MYO9A: variants seen among roughly 807,000 people sequenced by gnomAD.
MYO9A encodes the protein unconventional myosin-IXa.
A neutral mutation model predicts 293.3 loss-of-function variants in MYO9A; 103 were observed. That is an observed-to-expected ratio of 0.35 (90% CI 0.30 to 0.41). MYO9A has a LOEUF of 0.41. Among genes scored for constraint, MYO9A ranks in the 10% least tolerant of loss-of-function variants. The pLI is 1.00. For missense variants in MYO9A, 2,685 were observed against 3,033.0 expected, an observed-to-expected ratio of 0.89 and a Z score of 2.69; for synonymous variants, 1,001 against 1,035.7, an observed-to-expected ratio of 0.97 and a Z score of 0.64.
At chr15:72,028,728 C>T (rs577289572) in intron 3 of MYO9A, among the ~76,000 whole-genome samples, 1 of 151,346 alleles carries the variant, frequency 6.6e-6, no homozygotes, top group East Asian at 1.9e-4. Flanking sequence ...CTATATACCA[C>T]TACACATTCT....
At position 71,897,745 on chromosome 15, in the gene MYO9A, T is replaced by C. The variant is rs772738734; in HGVS notation, c.4758A>G (p.Gln1586=). The part of the protein sequence containing the change: ...SLSLKDAALA[Q]KDSSSAHLPP... ...GTAAGTGAGCAGAGGAACTGTCTTT[T>C]TGGGCAAGAGCTGCATCTTTTAATG... Residue 1586 remains glutamine (Q), a synonymous_variant, in exon 25 of 42, where the codon CAA becomes CAG. Transcript: ENST00000356056. 1.3e-5 allele frequency: 21 copies of C among 1,614,004 alleles called. No individual in the cohort carries two copies. Among genetic ancestry groups the C allele is most frequent in the Non-Finnish European group, 1.7e-5 (20 of 1,180,036 alleles).
At position 71,853,630 on chromosome 15, in the gene MYO9A, T is replaced by C. The variant is rs114238755; in HGVS notation, c.6346+747A>G. ...GGTTCTTGCCCACACAAGGACATGC[T>C]TTACTCTGTTTAGTTCAAAAAGATC... On this transcript the variant is annotated intron_variant, in intron 35 of 41. Coordinates refer to ENST00000356056, the MANE Select transcript of MYO9A (RefSeq NM_006901.4). Among the ~76,000 whole-genome samples the C allele has an allele frequency of 5.9e-3, 895 of 152,340 alleles. 7 individuals carry two copies. Among genetic ancestry groups the C allele is most frequent in the African/African-American group, 0.02 (830 of 41,574 alleles).
chr15:72,043,694 A>C (rs1289335900), intron 2 of MYO9A, among the ~76,000 whole-genome samples: 1 of 152,174 alleles, frequency 6.6e-6, no homozygotes, highest in African/African-American at 2.4e-5. Context: ...GGGTGGGCTG[A>C]GAGGAGCGTG....
chr15:72,000,113 C>T (rs2076821470), intron 8 of MYO9A, among the ~76,000 whole-genome samples, 173 bp from the exon 9 acceptor site: 1 of 152,154 alleles, frequency 6.6e-6, no homozygotes, highest in South Asian at 2.1e-4. Context: ...ATTTAAGTGT[C>T]CCACTCAAAA....
chr15:72,044,397 T>C (rs546529537), intron 2 of MYO9A, among the ~76,000 whole-genome samples: 12 of 150,606 alleles, frequency 8.0e-5, no homozygotes, highest in East Asian at 3.9e-4. Context: ...AAGAGCAAAA[T>C]TGTCTCAAAA....
Position 71,916,372 on chromosome 15 carries a change from G to C in MYO9A, c.2683C>G (p.Gln895Glu). 6.2e-7 allele frequency: 1 copy of C among 1,608,404 alleles called. No homozygotes were observed. The highest frequency in any genetic ancestry group is 2.2e-5 in the East Asian group (1 of 44,774). The change falls in exon 19 of 42, where the codon CAG (glutamine) becomes GAG (glutamate). Residue 895 changes from glutamine (Q) to glutamate (E), a missense_variant and splice_region_variant. Gln to Glu is a conservative substitution (Grantham distance 29). This residue lies in a region of MYO9A where 1,434 missense variants were observed against 1,497.7 expected (regional missense o/e 0.96). Coordinates refer to ENST00000356056, the MANE Select transcript of MYO9A (RefSeq NM_006901.4). ...TTTTAAGCGAAACAAGAAATAACCT[G>C]AAACTGGGCACTGATGCTGGGAGGT... ...KKPPSISAQF[Q>E]ASLSKLMETL...
intron 1 of MYO9A, among the ~76,000 whole-genome samples, chr15:72,064,268 G>A (rs1483371912): frequency 5.3e-5 from 8 of 151,950 alleles, no homozygotes; most frequent in Admixed American, 3.3e-4. Flanking sequence ...GGGTGACTAC[G>A]GTCAACAATA....
chr15:71,964,631 A>AC (rs2075825700), intron 13 of MYO9A, among the ~76,000 whole-genome samples: 1 of 151,006 alleles, frequency 6.6e-6, no homozygotes, highest in South Asian at 2.1e-4. Flanking sequence ...AAAAAAAAAA[A>AC]AAAAAATTAG....
chr15:71,948,373 C>T (rs1794453112), intron 15 of MYO9A, among the ~76,000 whole-genome samples: 1 of 152,192 alleles, frequency 6.6e-6, no homozygotes. Context: ...ACCAAACCCA[C>T]TGCCTGTTTT....
At chr15:71,860,808 T>A (rs1214417346) in intron 33 of MYO9A, among the ~76,000 whole-genome samples, 6 of 150,812 alleles carry the variant, frequency 4.0e-5, no homozygotes, top group African/African-American at 1.5e-4. Flanking sequence ...CTCTACTAAA[T>A]ATACAAAAAT....
intron 1 of MYO9A, among the ~76,000 whole-genome samples, chr15:72,087,920 T>C (rs141673296): frequency 6.6e-6 from 1 of 152,310 alleles, no homozygotes; most frequent in East Asian, 1.9e-4. Context: ...TGTGAGTGTA[T>C]TTGGAGACAG....
chr15:71,827,841 T>G (rs1036753034), intron 41 of MYO9A, 43 bp downstream of exon 41: 4 of 1,572,996 alleles, frequency 2.5e-6, no homozygotes, highest in African/African-American at 2.7e-5. Context: ...ATTCCTCCTT[T>G]GCAAAACAAA....
At chr15:72,031,490 AAATAAAT>A (rs2077868727) in intron 3 of MYO9A, among the ~76,000 whole-genome samples, 1 of 152,220 alleles carries the variant, frequency 6.6e-6, no homozygotes, top group African/African-American at 2.4e-5. Flanking sequence ...TTCTCAAAAA[AAATAAAT>A]AATAAATAAT....
intron 19 of MYO9A, among the ~76,000 whole-genome samples, chr15:71,914,466 CTA>C (rs2057952101): frequency 6.6e-6 from 1 of 152,142 alleles, no homozygotes; most frequent in Non-Finnish European, 1.5e-5. Flanking sequence ...TCCATTTTGA[CTA>C]CCTGCAATTT....
chr15:71,854,241 T>A, intron 35 of MYO9A, 136 bp downstream of exon 35: 1 of 714,688 alleles, frequency 1.4e-6, no homozygotes, highest in Non-Finnish European at 2.1e-6. Flanking sequence ...CAAAAAATGA[T>A]AACAAAGCAT....
At chr15:72,112,678 ATACC>A (rs1163108813) in intron 1 of MYO9A, among the ~76,000 whole-genome samples, 1 of 152,238 alleles carries the variant, frequency 6.6e-6, no homozygotes, top group Non-Finnish European at 1.5e-5. Flanking sequence ...CAAAATTCCA[ATACC>A]TACACTCCTT....
rs756977474 is a variant in MYO9A, at chr15:71,898,244, A to G, written c.4259T>C (p.Phe1420Ser). 1 of 1,614,056 alleles carries G rather than the reference A, an allele frequency of 6.2e-7. No homozygotes were observed. Among genetic ancestry groups the G allele is most frequent in the African/African-American group, 1.3e-5 (1 of 74,936 alleles). Residue 1420 changes from phenylalanine (F) to serine (S), a missense_variant, in exon 25 of 42, where the codon TTT becomes TCT. Transcript: ENST00000356056. Reference sequence around the variant, plus strand: ...TGGGTCTTGTTGGGGGATATAAAAAAAAGTAGGTAGACTATTTGAAATGAA... The same window carrying G: ...TGGGTCTTGTTGGGGGATATAAAAAGAAGTAGGTAGACTATTTGAAATGAA... Reference protein sequence around the residue: ...DSFISNSLPTFFYIPQQDPLK... With the variant: ...DSFISNSLPTSFYIPQQDPLK...
intron 34 of MYO9A, among the ~76,000 whole-genome samples, chr15:71,856,061 A>G (rs1366855936): frequency 6.6e-6 from 1 of 152,164 alleles, no homozygotes; most frequent in Non-Finnish European, 1.5e-5. Flanking sequence ...CTGTAATCCC[A>G]GCATTTTGTG....
At chr15:72,082,992 G>C (rs1054551588) in intron 1 of MYO9A, among the ~76,000 whole-genome samples, 1 of 151,244 alleles carries the variant, frequency 6.6e-6, no homozygotes, top group Non-Finnish European at 1.5e-5. Context: ...TTTTTTTGTT[G>C]TGTCTCTGCT....
Sources: gnomAD v4.1 joint callset for allele counts (sites outside exome capture counted in the v4.1 genomes callset) on GRCh38, gnomAD v4.1.1 for gene constraint, gnomAD v4.1.1 regional missense constraint, MANE v1.5 for transcripts, NCBI Gene and HGNC (gene_info 2026-07-23, HGNC 2026-07-21) for gene names.